Variants in PTF1A observed in about 807,000 individuals in gnomAD.
PTF1A encodes the protein pancreas associated transcription factor 1a.
Under a neutral mutation model 22.6 loss-of-function variants are expected in PTF1A, and 18 were observed. The ratio of observed to expected loss-of-function variants is 0.80; its 90% CI spans 0.55 to 1.18. The LOEUF is 1.18. Ranked by LOEUF, PTF1A falls within the 50% of genes most tolerant of loss-of-function variation. PTF1A has a pLI of 0.00. For missense variants in PTF1A, 477 were observed against 473.0 expected (o/e 1.01, Z -0.08); for synonymous variants, 259 against 227.9 (o/e 1.14, Z -1.23).
chr10:23,192,364 G>A lies in PTF1A; in HGVS notation c.-167G>A, dbSNP rs1365455424. 5.2e-6 allele frequency: 4 copies of A among 773,926 alleles called. No individual in the cohort carries two copies. Among genetic ancestry groups the A allele is most frequent in the South Asian group, 2.2e-5 (1 of 44,512 alleles). 47.9% of individuals were successfully genotyped at this position (773,926 alleles called of 1,614,324 possible). On this transcript the variant is annotated 5_prime_UTR_variant, in exon 1 of 2. Transcript: ENST00000376504. Reference sequence around the variant, plus strand: ...GCGCAGCGCGAGCGCGGGCCAGAGCGCAGCGGCCGCGGGCACTCCAGGGAG... The same window carrying A: ...GCGCAGCGCGAGCGCGGGCCAGAGCACAGCGGCCGCGGGCACTCCAGGGAG...
intron 1 of PTF1A, 151 bp downstream of exon 1, chr10:23,193,465 T>G (rs1019745164): frequency 3.9e-6 from 2 of 515,258 alleles, no homozygotes; most frequent in African/African-American, 2.6e-5. Flanking sequence ...CGTTTCTCGT[T>G]TTTTTTTTTT....
In PTF1A at chr10:23,192,677, G is replaced by A; in HGVS notation, c.147G>A (p.Glu49=). The A allele has an allele frequency of 6.3e-7, 1 of 1,597,112 alleles. No individual in the cohort carries two copies. Among genetic ancestry groups the A allele is most frequent in the Non-Finnish European group, 8.5e-7 (1 of 1,173,306 alleles). ...AGCTGCTGGCGGACGAGCAGGCCGA[G>A]GTGGAGTTCCTTAGCCACCAGCTCC... ...GDELLADEQA[E]VEFLSHQLHE... The change falls in exon 1 of 2, where the codon GAG becomes GAA. Residue 49 remains glutamate (E), a synonymous_variant. Coordinates refer to ENST00000376504, the MANE Select transcript of PTF1A (RefSeq NM_178161.3).
At chr10:23,193,674 A>G in intron 1 of PTF1A, 30 bp from the exon 2 acceptor site, 1 of 1,450,708 alleles carries the variant, frequency 6.9e-7, no homozygotes, top group Non-Finnish European at 9.7e-7. Flanking sequence ...TTGGATATTC[A>G]CAGTCTGTTT....
chr10:23,192,419 T>A lies in PTF1A; in HGVS notation c.-112T>A. The A allele has an allele frequency of 9.4e-6, 13 of 1,386,794 alleles. No individual in the cohort carries two copies. The highest frequency in any genetic ancestry group is 2.6e-4 in the Middle Eastern group (1 of 3,912). The allele number at this position is 1,386,794 out of a possible 1,614,324, so 85.9% of individuals were successfully genotyped here. A position where few individuals can be genotyped will look rare whatever the true frequency, so the allele number is the denominator to read the frequency against. On this transcript the variant is annotated 5_prime_UTR_variant, in exon 1 of 2. Transcript: ENST00000376504. ...GGGGGCGGGCAGCCCGGCGGCCGCC[T>A]AGCTGCCCCCAGCCAGGGCCCCGGG...
intron 1 of PTF1A, 195 bp downstream of exon 1, chr10:23,193,509 C>T: frequency 4.1e-6 from 3 of 725,810 alleles, no homozygotes; most frequent in East Asian, 5.1e-5. Flanking sequence ...CCGCGGCTCT[C>T]AAGGGCGCGC....
In PTF1A at chr10:23,193,098, A is replaced by G. The variant is rs1840914651; in HGVS notation, c.568A>G (p.Ile190Val). ...NDAFEGLRSH[I>V]PTLPYEKRLS... ...CGCCTTCGAGGGGCTGCGCTCGCAC[A>G]TCCCCACGCTGCCCTACGAGAAGCG... Residue 190 changes from isoleucine to valine, a missense_variant, in exon 1 of 2, where the codon ATC becomes GTC. Ile to Val is a conservative substitution (Grantham distance 29). Coordinates refer to ENST00000376504, the MANE Select transcript of PTF1A (RefSeq NM_178161.3). 1.4e-6 allele frequency: 2 copies of G among 1,427,410 alleles called. No homozygotes were observed. Among genetic ancestry groups the G allele is most frequent in the African/African-American group, 1.5e-5 (1 of 67,370 alleles). The allele number at this position is 1,427,410 out of a possible 1,614,324, so 88.4% of individuals were successfully genotyped here.
At position 23,192,518 on chromosome 10, in the gene PTF1A, T is replaced by A. The variant is rs765377158; in HGVS notation, c.-13T>A. On this transcript the variant is annotated 5_prime_UTR_variant, in exon 1 of 2. Coordinates refer to ENST00000376504, the MANE Select transcript of PTF1A (RefSeq NM_178161.3). ...GCAGCCCGGCAGTCCCGCTGCCCAC[T>A]GCGGCGGCGAGCATGGACGCGGTGT... 3.8e-6 allele frequency: 6 copies of A among 1,592,212 alleles called. No homozygotes were observed. Among genetic ancestry groups the A allele is most frequent in the Non-Finnish European group, 5.1e-6 (6 of 1,171,312 alleles).
chr10:23,193,972 A>G lies in PTF1A; in HGVS notation c.*66A>G. ...GCATATTGTACATGTAAATATCTAT[A>G]ATGTAAATGTAATTTAAGAATCAAA... is the stretch of plus-strand genomic sequence containing the variant. On this transcript the variant is annotated 3_prime_UTR_variant, in exon 2 of 2. Transcript: ENST00000376504. 8.0e-7 allele frequency: 1 copy of G among 1,245,990 alleles called. No homozygotes were observed. The highest frequency in any genetic ancestry group is 1.2e-6 in the Non-Finnish European group (1 of 846,374). 77.2% of individuals were successfully genotyped at this position (1,245,990 alleles called of 1,614,324 possible).
chr10:23,193,434 A>G lies in PTF1A; in HGVS notation c.784+120A>G, dbSNP rs1886763. On this transcript the variant is annotated intron_variant, in intron 1 of 1. Coordinates refer to ENST00000376504, the MANE Select transcript of PTF1A (RefSeq NM_178161.3). ...ACCGACGGATTGTCGGTGGGCACGG[A>G]AAAACTTGAATGCGAGCTCGCGTTT... 488,580 of 979,788 alleles carry G rather than the reference A, an allele frequency of 0.5. 129,226 individuals carry two copies. Among genetic ancestry groups the G allele is most frequent in the East Asian group, 0.84 (31,136 of 37,228 alleles). The allele number at this position is 979,788 out of a possible 1,614,324, so 60.7% of individuals were successfully genotyped here.
chr10:23,192,358 C>T lies in PTF1A; in HGVS notation c.-173C>T. ...TCCCCAGCGCAGCGCGAGCGCGGGC[C>T]AGAGCGCAGCGGCCGCGGGCACTCC... On this transcript the variant is annotated 5_prime_UTR_variant, in exon 1 of 2. Coordinates refer to ENST00000376504, the MANE Select transcript of PTF1A (RefSeq NM_178161.3). 1 of 716,712 alleles carries T rather than the reference C, an allele frequency of 1.4e-6. No individual in the cohort carries two copies. The highest frequency in any genetic ancestry group is 2.1e-6 in the Non-Finnish European group (1 of 485,198). The allele number at this position is 716,712 out of a possible 1,614,324, so 44.4% of individuals were successfully genotyped here.
chr10:23,192,625 C>A lies in PTF1A; in HGVS notation c.95C>A (p.Ser32Ter). ...GACGACTTCTTCACCGACCAGTCTTCACGGGACCCCCTGGAGGACGGCGAT... is the reference window on the plus strand; with the variant it reads ...GACGACTTCTTCACCGACCAGTCTTAACGGGACCCCCTGGAGGACGGCGAT... ...DEDDFFTDQS[S>*]RDPLEDGDEL... is the part of the protein sequence containing the mutation. The change falls in exon 1 of 2, where the codon TCA (serine) becomes TAA (stop). Residue 32 changes from serine to a stop codon, truncating the protein, a stop_gained. Coordinates refer to ENST00000376504, the MANE Select transcript of PTF1A (RefSeq NM_178161.3). LOFTEE classifies it high-confidence loss of function. 6.2e-7 allele frequency: 1 copy of A among 1,602,776 alleles called. No homozygotes were observed. The highest frequency in any genetic ancestry group is 8.5e-7 in the Non-Finnish European group (1 of 1,174,982).
rs1840918241 is a variant in PTF1A at position 23,193,268 on chromosome 10, C to T, written c.738C>T (p.Ser246=). 2 of 1,246,262 alleles carry T rather than the reference C, an allele frequency of 1.6e-6. No individual in the cohort carries two copies. Among genetic ancestry groups the T allele is most frequent in the Non-Finnish European group, 2.0e-6 (2 of 1,003,316 alleles). The allele number at this position is 1,246,262 out of a possible 1,614,324, so 77.2% of individuals were successfully genotyped here. The change falls in exon 1 of 2, where the codon AGC becomes AGT. Residue 246 remains serine (S), a synonymous_variant. Transcript: ENST00000376504. ...PGGGGRLGGD[S]PGSQAQKVII... is the part of the protein sequence containing the mutation. Reference sequence around the variant, plus strand: ...GCGGCGGGCGCCTGGGCGGGGACAGCCCGGGCAGCCAGGCCCAGAAGGTCA... The same window carrying T: ...GCGGCGGGCGCCTGGGCGGGGACAGTCCGGGCAGCCAGGCCCAGAAGGTCA...
Position 23,192,966 on chromosome 10 carries a change from G to A in PTF1A, c.436G>A (p.Ala146Thr). The change falls in exon 1 of 2, where the codon GCT becomes ACT. Residue 146 changes from alanine (A) to threonine (T), a missense_variant. Physicochemically the swap from Ala to Thr is moderately conservative, Grantham distance 58. Coordinates refer to ENST00000376504, the MANE Select transcript of PTF1A (RefSeq NM_178161.3). ...GCTGCGCGGCCTGAGCGGAGCGGCGGCTGCGGCGGCGCGGCGCCGGCGGCG... is the reference window on the plus strand; with the variant it reads ...GCTGCGCGGCCTGAGCGGAGCGGCGACTGCGGCGGCGCGGCGCCGGCGGCG... ...ARLRGLSGAAAAAARRRRRVR... is the reference protein window; with the variant it reads ...ARLRGLSGAATAAARRRRRVR... 1 of 1,141,130 alleles carries A rather than the reference G, an allele frequency of 8.8e-7. No homozygotes were observed. Among genetic ancestry groups the A allele is most frequent in the Non-Finnish European group, 1.1e-6 (1 of 932,560 alleles). 70.7% of individuals were successfully genotyped at this position (1,141,130 alleles called of 1,614,324 possible).
chr10:23,193,452 T>C, intron 1 of PTF1A, 138 bp downstream of exon 1: 1 of 708,810 alleles, frequency 1.4e-6, no homozygotes, highest in Non-Finnish European at 2.2e-6. Flanking sequence ...GAATGCGAGC[T>C]CGCGTTTCTC....
intron 1 of PTF1A, 108 bp downstream of exon 1, chr10:23,193,422 C>A: frequency 1.9e-6 from 2 of 1,061,972 alleles, no homozygotes; most frequent in South Asian, 1.8e-5. Context: ...GACGGATTGT[C>A]GGTGGGCACG....
Position 23,192,965 on chromosome 10 carries a change from G to T in PTF1A, c.435G>T (p.Ala145=), listed in dbSNP as rs1043847033. The part of the protein sequence containing the change: ...GARLRGLSGA[A]AAAARRRRRV... ...GGCTGCGCGGCCTGAGCGGAGCGGC[G>T]GCTGCGGCGGCGCGGCGCCGGCGGC... Residue 145 remains alanine, a synonymous_variant, in exon 1 of 2, where the codon GCG becomes GCT. Coordinates refer to ENST00000376504, the MANE Select transcript of PTF1A (RefSeq NM_178161.3). 3 of 1,140,976 alleles carry T rather than the reference G, an allele frequency of 2.6e-6. No homozygotes were observed. Among genetic ancestry groups the T allele is most frequent in the African/African-American group, 3.3e-5 (2 of 60,616 alleles). The allele number at this position is 1,140,976 out of a possible 1,614,324, so 70.7% of individuals were successfully genotyped here.
rs764038015 is a variant in PTF1A at position 23,193,688 on chromosome 10, C to T, written c.785-16C>T. On this transcript the variant is annotated splice_polypyrimidine_tract_variant and intron_variant, in intron 1 of 1. Coordinates refer to ENST00000376504, the MANE Select transcript of PTF1A (RefSeq NM_178161.3). Reference sequence around the variant, plus strand: ...GTTGGATATTCACAGTCTGTTTTCTCTTCTCACCTGTCCAGGGTCCCCCTC... The same window carrying T: ...GTTGGATATTCACAGTCTGTTTTCTTTTCTCACCTGTCCAGGGTCCCCCTC... 5.8e-6 allele frequency: 9 copies of T among 1,544,086 alleles called. No individual in the cohort carries two copies. Among genetic ancestry groups the T allele is most frequent in the South Asian group, 3.3e-5 (3 of 89,600 alleles).
chr10:23,193,618 C>G, intron 1 of PTF1A, 86 bp from the exon 2 acceptor site: 1 of 1,011,358 alleles, frequency 9.9e-7, no homozygotes, highest in Non-Finnish European at 1.6e-6. Context: ...CGGAGAGCAC[C>G]CAGGAAAGGG....
Position 23,192,411 on chromosome 10 carries a change from C to CG in PTF1A, c.-118dup. On this transcript the variant is annotated 5_prime_UTR_variant, in exon 1 of 2. Transcript: ENST00000376504. ...GGAGGCCCGGGGGCGGGCAGCCCGG[C>CG]GGCCGCCTAGCTGCCCCCAGCCAGG... is the stretch of plus-strand genomic sequence containing the variant. 7.1e-7 allele frequency: 1 copy of CG among 1,406,280 alleles called. No individual in the cohort carries two copies. The highest frequency in any genetic ancestry group is 2.3e-5 in the Admixed American group (1 of 42,626). 87.1% of individuals were successfully genotyped at this position (1,406,280 alleles called of 1,614,324 possible). A position where few individuals can be genotyped will look rare whatever the true frequency, so the allele number is the denominator to read the frequency against.
Sources: allele counts gnomAD v4.1 joint callset, GRCh38; gene constraint gnomAD v4.1.1; transcripts MANE v1.5; gene names NCBI Gene and HGNC (gene_info 2026-07-23, HGNC 2026-07-21).